Variants in ARHGAP45 observed in about 807,000 individuals in gnomAD.
ARHGAP45 encodes Rho GTPase activating protein 45.
In ARHGAP45, 56 loss-of-function variants were observed where a neutral mutation model predicts 116.1. The observed-to-expected ratio is 0.48, with a 90% CI of 0.39 to 0.60. The LOEUF is 0.60. Among genes scored for constraint, ARHGAP45 ranks in the 20% least tolerant of loss-of-function variants. ARHGAP45 has a pLI of 0.00. For missense variants in ARHGAP45, 1,622 were observed against 1,601.0 expected (o/e 1.01, Z -0.22); for synonymous variants, 866 against 701.7 (o/e 1.23, Z -3.70).
At chr19:1,085,412 A>T in intron 22 of ARHGAP45, among the ~76,000 whole-genome samples, 1 of 151,310 alleles carries the variant, frequency 6.6e-6, no homozygotes, top group East Asian at 1.9e-4. Context: ...ACAGAGCCAG[A>T]CCCTATCAAC....
Position 1,079,691 on chromosome 19 carries a change from C to A in ARHGAP45, c.1375-12C>A. On this transcript the variant is annotated splice_polypyrimidine_tract_variant and intron_variant, in intron 11 of 22. Coordinates refer to ENST00000313093, the MANE Select transcript of ARHGAP45 (RefSeq NM_012292.5). ...CTGAGGCCTCTCTCTGTGCGCCCCG[C>A]CCCCACCGCAGGCGGAGGAAGCTAT... 1 of 1,612,130 alleles carries A rather than the reference C, an allele frequency of 6.2e-7. No individual in the cohort carries two copies. The highest frequency in any genetic ancestry group is 8.5e-7 in the Non-Finnish European group (1 of 1,179,512).
In ARHGAP45 at chr19:1,086,060, T is replaced by C. The variant is rs2043636980; in HGVS notation, c.*54T>C. The C allele has an allele frequency of 2.1e-6, 3 of 1,457,240 alleles. No individual in the cohort carries two copies. Among genetic ancestry groups the C allele is most frequent in the Non-Finnish European group, 2.8e-6 (3 of 1,053,624 alleles). The allele number at this position is 1,457,240 out of a possible 1,614,324, so 90.3% of individuals were successfully genotyped here. A position where few individuals can be genotyped will look rare whatever the true frequency, so the allele number is the denominator to read the frequency against. ...CTTCTCTCTTGCCTGCTCCTGTCCC[T>C]CCAGCACGTCCCCTGCACCACGGCA... On this transcript the variant is annotated 3_prime_UTR_variant, in exon 23 of 23. Coordinates refer to ENST00000313093, the MANE Select transcript of ARHGAP45 (RefSeq NM_012292.5).
intron 12 of ARHGAP45, 28 bp downstream of exon 12, chr19:1,079,868 C>A (rs760568195): frequency 6.3e-7 from 1 of 1,592,982 alleles, no homozygotes; most frequent in South Asian, 1.1e-5. Flanking sequence ...GCCGCCCGGG[C>A]GGGGATGGTG....
rs2043172362 is a variant in ARHGAP45, at chr19:1,073,187, C to A, written c.460C>A (p.Leu154Met). ...CCGCCGCCCGCGGGCCCACGAGTGC[C>A]TGGGTGAGGCTCTGCGTGTCATGCA... ...EARRPRAHEC[L>M]GEALRVMHQI... Residue 154 changes from leucine (L) to methionine (M), a missense_variant, in exon 3 of 23, where the codon CTG (leucine) becomes ATG (methionine). By Grantham distance (15) the Leu-to-Met change is conservative (BLOSUM62 2). Around this residue, in one of 3 missense-constraint regions of ARHGAP45, gnomAD observed 279 missense variants for 311.9 expected, o/e 0.89. Coordinates refer to ENST00000313093, the MANE Select transcript of ARHGAP45 (RefSeq NM_012292.5). The A allele has an allele frequency of 6.2e-7, 1 of 1,611,948 alleles. No homozygotes were observed. Among genetic ancestry groups the A allele is most frequent in the African/African-American group, 1.3e-5 (1 of 74,934 alleles).
upstream of ARHGAP45, chr19:1,066,403 C>CGGT (rs1388758649): frequency 7.2e-6 from 4 of 551,760 alleles, no homozygotes; most frequent in Non-Finnish European, 1.3e-5. Context: ...CCAGCACGTC[C>CGGT]GGTGGTCCAG....
chr19:1,070,996 G>T (rs909363528), intron 2 of ARHGAP45, among the ~76,000 whole-genome samples: 6 of 152,192 alleles, frequency 3.9e-5, no homozygotes, highest in African/African-American at 1.4e-4. Context: ...CCGCGTTCAG[G>T]CAGCTAGGAG....
chr19:1,076,091 G>A (rs773537659), intron 10 of ARHGAP45, among the ~76,000 whole-genome samples: 4 of 152,122 alleles, frequency 2.6e-5, no homozygotes, highest in Non-Finnish European at 5.9e-5. Context: ...GGACGTCTTG[G>A]GAGTGGCTGA....
Position 1,078,038 on chromosome 19 carries a change from A to G in ARHGAP45, c.1367A>G (p.Lys456Arg). 6.4e-7 allele frequency: 1 copy of G among 1,553,742 alleles called. No individual in the cohort carries two copies. Among genetic ancestry groups the G allele is most frequent in the South Asian group, 1.2e-5 (1 of 84,402 alleles). ...DKRRRLEEEAKNKAEEAMATY... is the reference protein window; with the variant it reads ...DKRRRLEEEARNKAEEAMATY... Reference sequence around the variant, plus strand: ...CGGCGGCGGCTGGAGGAGGAGGCCAAGAACAAGGTGAGGGCGGGTGGAGGC... The same window carrying G: ...CGGCGGCGGCTGGAGGAGGAGGCCAGGAACAAGGTGAGGGCGGGTGGAGGC... The change falls in exon 11 of 23, where the codon AAG (lysine) becomes AGG (arginine). Residue 456 changes from lysine to arginine, a missense_variant. Around this residue, in one of 3 missense-constraint regions of ARHGAP45, gnomAD observed 1,334 missense variants for 1,263.8 expected, o/e 1.06. Coordinates refer to ENST00000313093, the MANE Select transcript of ARHGAP45 (RefSeq NM_012292.5).
Position 1,081,540 on chromosome 19 carries a change from C to G in ARHGAP45, c.2191-10C>G. 1 of 1,455,370 alleles carries G rather than the reference C, an allele frequency of 6.9e-7. No homozygotes were observed. Among genetic ancestry groups the G allele is most frequent in the Non-Finnish European group, 9.1e-7 (1 of 1,101,312 alleles). The allele number at this position is 1,455,370 out of a possible 1,614,324, so 90.2% of individuals were successfully genotyped here. ...CCGGGGCTGGGCTCACTCACTCTGGCCGCCCCCAGTGCTGCCTGGCCTGCC... is the reference window on the plus strand; with the variant it reads ...CCGGGGCTGGGCTCACTCACTCTGGGCGCCCCCAGTGCTGCCTGGCCTGCC... On this transcript the variant is annotated splice_polypyrimidine_tract_variant and intron_variant, in intron 17 of 22. Coordinates refer to ENST00000313093, the MANE Select transcript of ARHGAP45 (RefSeq NM_012292.5).
Position 1,068,638 on chromosome 19 carries a change from C to T in ARHGAP45, c.315C>T (p.Thr105=), listed in dbSNP as rs377167990. The T allele has an allele frequency of 2.8e-5, 45 of 1,612,268 alleles. No homozygotes were observed. The Admixed American group carries it at 3.8e-4, about 14-fold the overall frequency. ...CCGCCAGCCCGGGCGAGCTGCCCACCGAGGGTGCCGGCCCGGACGTCGTCG... is the reference window on the plus strand; with the variant it reads ...CCGCCAGCCCGGGCGAGCTGCCCACTGAGGGTGCCGGCCCGGACGTCGTCG... ...LTAASPGELP[T]EGAGPDVVED... is the part of the protein sequence containing the mutation. The change falls in exon 2 of 23, where the codon ACC becomes ACT. Residue 105 remains threonine, a synonymous_variant. Coordinates refer to ENST00000313093, the MANE Select transcript of ARHGAP45 (RefSeq NM_012292.5). This position sits in a 1 kb window ranked among gnomAD's most constrained non-coding sequence, Gnocchi z 7.5.
intron 22 of ARHGAP45, 105 bp from the exon 23 acceptor site, chr19:1,085,555 C>CT (rs2043596603): frequency 1.3e-6 from 1 of 774,104 alleles, no homozygotes; most frequent in Non-Finnish European, 2.0e-6. Flanking sequence ...CTCCATCTCT[C>CT]TCCCCCCTCT....
intron 17 of ARHGAP45, 130 bp downstream of exon 17, chr19:1,081,194 G>A (rs2043423783): frequency 5.6e-6 from 6 of 1,076,122 alleles, no homozygotes; most frequent in South Asian, 3.2e-5. Flanking sequence ...TTGGAAGGAA[G>A]CGAACGGAGG....
At chr19:1,084,880 A>G (rs1053592374) in intron 22 of ARHGAP45, among the ~76,000 whole-genome samples, 3 of 152,166 alleles carry the variant, frequency 2.0e-5, no homozygotes, top group Admixed American at 6.5e-5. Flanking sequence ...TTAGGAGTTC[A>G]AGACCAGCCT....
In ARHGAP45 at chr19:1,071,225, G is replaced by T; in HGVS notation, c.422-1924G>T. 6.9e-7 allele frequency: 1 copy of T among 1,450,232 alleles called. No homozygotes were observed. Among genetic ancestry groups the T allele is most frequent in the South Asian group, 1.3e-5 (1 of 78,476 alleles). 89.8% of individuals were successfully genotyped at this position (1,450,232 alleles called of 1,614,324 possible). A position where few individuals can be genotyped will look rare whatever the true frequency, so the allele number is the denominator to read the frequency against. On this transcript the variant is annotated intron_variant, in intron 2 of 22. Transcript: ENST00000313093. This position sits in a 1 kb window ranked among gnomAD's most constrained non-coding sequence, Gnocchi z 4.6. ...GGCCGGAGCCGGTTTGGCCACCGGA[G>T]ACCCCCATCGGTCAGCTGCCAGGCC... is the stretch of plus-strand genomic sequence containing the variant.
At position 1,080,922 on chromosome 19, in the gene ARHGAP45, C is replaced by T. The variant is rs763195273; in HGVS notation, c.2048C>T (p.Pro683Leu). Residue 683 changes from proline (P) to leucine (L), a missense_variant, in exon 17 of 23, where the codon CCG (proline) becomes CTG (leucine). Pro to Leu is a moderately conservative substitution (Grantham distance 98). This residue lies in a region of ARHGAP45 where 1,334 missense variants were observed against 1,263.8 expected (regional missense o/e 1.06). Transcript: ENST00000313093. ...CTCAACGGCATGACCCCCGAGCTGC[C>T]GGTGGCCGTGCCCAGTGGACCGTTC... Reference protein sequence around the residue: ...ADLNGMTPELPVAVPSGPFRH... With the variant: ...ADLNGMTPELLVAVPSGPFRH... 9 of 1,608,948 alleles carry T rather than the reference C, an allele frequency of 5.6e-6. No individual in the cohort carries two copies. Among genetic ancestry groups the T allele is most frequent in the East Asian group, 2.2e-5 (1 of 44,782 alleles).
intron 21 of ARHGAP45, 49 bp from the exon 22 acceptor site, chr19:1,084,189 T>C (rs1216021821): frequency 6.5e-7 from 1 of 1,537,558 alleles, no homozygotes; most frequent in Admixed American, 1.7e-5. Flanking sequence ...ATTTATAACA[T>C]GGAAAATGGA....
Position 1,085,764 on chromosome 19 carries a change from C to G in ARHGAP45, c.3169C>G (p.Gln1057Glu). The G allele has an allele frequency of 6.2e-7, 1 of 1,612,564 alleles. No homozygotes were observed. Among genetic ancestry groups the G allele is most frequent in the Non-Finnish European group, 8.5e-7 (1 of 1,179,798 alleles). Residue 1057 changes from glutamine to glutamate, a missense_variant, in exon 23 of 23, where the codon CAG becomes GAG. By Grantham distance (29) the Gln-to-Glu change is conservative. Coordinates refer to ENST00000313093, the MANE Select transcript of ARHGAP45 (RefSeq NM_012292.5). ...SALGHLSFLE[Q>E]QQSEASLEVA... ...CCTGGGCCACCTCAGCTTCCTGGAG[C>G]AGCAGCAGAGCGAGGCCAGCCTAGA... is the stretch of plus-strand genomic sequence containing the variant.
At chr19:1,085,541 G>GTC (rs934840285) in intron 22 of ARHGAP45, 119 bp from the exon 23 acceptor site, 1 of 666,350 alleles carries the variant, frequency 1.5e-6, no homozygotes, top group African/African-American at 2.3e-5. Context: ...CATCTCTCCT[G>GTC]TCTCTCCATC....
intron 2 of ARHGAP45, among the ~76,000 whole-genome samples, chr19:1,070,692 AG>A (rs2043124226): frequency 6.6e-6 from 1 of 151,296 alleles, no homozygotes; most frequent in Non-Finnish European, 1.5e-5. Flanking sequence ...CATATTGCGC[AG>A]GCTGGTCTAG....
Sources: allele counts gnomAD v4.1 joint callset (sites outside exome capture counted in the v4.1 genomes callset), GRCh38; gene constraint gnomAD v4.1.1; regional missense constraint gnomAD v4.1.1; non-coding constraint Gnocchi (gnomAD v3.1); transcripts MANE v1.5; gene names NCBI Gene and HGNC (gene_info 2026-07-23, HGNC 2026-07-21).